The following EEIG2 variants were observed in gnomAD, a reference collection of about 807,000 sequenced individuals.
EEIG2 encodes EEIG family member 2, also known as family with sequence similarity 102 member B.
the EEIG2 span, chr1:108,635,139 A>G: frequency 6.2e-7 from 1 of 1,614,166 alleles, no homozygotes; most frequent in African/African-American, 1.3e-5. Context: ...ACAAGTTGTG[A>G]TCAAACGCTA....
At chr1:108,615,682 T>C in the EEIG2 span, among the ~76,000 whole-genome samples, 2 of 151,378 alleles carry the variant, frequency 1.3e-5, no homozygotes, top group African/African-American at 4.9e-5. Context: ...CTCAGAAGGC[T>C]GAGACAGGAA....
chr1:108,598,582 G>A, the EEIG2 span, among the ~76,000 whole-genome samples: 1 of 151,930 alleles, frequency 6.6e-6, no homozygotes, highest in Non-Finnish European at 1.5e-5. Context: ...AGACTCCACT[G>A]TGAACCCACA....
At chr1:108,592,713 G>A in the EEIG2 span, among the ~76,000 whole-genome samples, 1 of 152,104 alleles carries the variant, frequency 6.6e-6, no homozygotes, top group Non-Finnish European at 1.5e-5. Context: ...ACTCTGGGAT[G>A]GACCACCTAC....
the EEIG2 span, among the ~76,000 whole-genome samples, chr1:108,585,521 A>G: frequency 6.6e-6 from 1 of 152,134 alleles, no homozygotes; most frequent in Non-Finnish European, 1.5e-5. Context: ...GAGATACCAC[A>G]GCAGGTCTGT....
the EEIG2 span, among the ~76,000 whole-genome samples, chr1:108,561,470 T>C: frequency 1.3e-5 from 2 of 152,192 alleles, no homozygotes; most frequent in African/African-American, 4.8e-5. Context: ...TATATACTGG[T>C]CTTAGGCTTT....
the EEIG2 span, among the ~76,000 whole-genome samples, chr1:108,594,564 C>T: frequency 6.6e-6 from 1 of 152,116 alleles, no homozygotes; most frequent in African/African-American, 2.4e-5. Flanking sequence ...TAGTAGTACC[C>T]TCCCCATATA....
the EEIG2 span, chr1:108,624,754 G>A: frequency 6.2e-7 from 1 of 1,608,382 alleles, no homozygotes; most frequent in Non-Finnish European, 8.5e-7. Context: ...AGCAGGTATG[G>A]ATGTGTGGCT....
At chr1:108,596,916 A>G in the EEIG2 span, among the ~76,000 whole-genome samples, 1 of 151,928 alleles carries the variant, frequency 6.6e-6, no homozygotes, top group Non-Finnish European at 1.5e-5. Context: ...TTTTTTGTTG[A>G]AACAGGGTCT....
the EEIG2 span, among the ~76,000 whole-genome samples, chr1:108,633,470 T>C: frequency 6.6e-6 from 1 of 152,144 alleles, no homozygotes; most frequent in Non-Finnish European, 1.5e-5. Flanking sequence ...TTTAACTTTT[T>C]GTGGACACAA....
chr1:108,615,376 CCATTAT>C, the EEIG2 span, among the ~76,000 whole-genome samples: 2 of 152,108 alleles, frequency 1.3e-5, no homozygotes, highest in African/African-American at 4.8e-5. Flanking sequence ...GTTACTATTA[CCATTAT>C]CATTATTATT....
At chr1:108,575,172 C>G in the EEIG2 span, among the ~76,000 whole-genome samples, 1 of 152,170 alleles carries the variant, frequency 6.6e-6, no homozygotes, top group East Asian at 1.9e-4. Flanking sequence ...TTCAGTGTTG[C>G]TATAGCACTC....
the EEIG2 span, among the ~76,000 whole-genome samples, chr1:108,572,248 ACTT>A: frequency 2.4e-4 from 36 of 152,238 alleles, no homozygotes; most frequent in African/African-American, 8.4e-4. Context: ...GCTTGAAGGC[ACTT>A]CTTCTGCCTG....
the EEIG2 span, among the ~76,000 whole-genome samples, chr1:108,567,677 C>G: frequency 6.6e-6 from 1 of 152,132 alleles, no homozygotes; most frequent in African/African-American, 2.4e-5. Flanking sequence ...TAGATTTTCC[C>G]TGAGGCAATT....
At chr1:108,579,157 A>T in the EEIG2 span, among the ~76,000 whole-genome samples, 1 of 117,342 alleles carries the variant, frequency 8.5e-6, no homozygotes, top group East Asian at 2.3e-4. Flanking sequence ...GTTGGATAAA[A>T]AGTCAAGACC....
the EEIG2 span, among the ~76,000 whole-genome samples, chr1:108,603,534 C>A: frequency 6.6e-6 from 1 of 152,150 alleles, no homozygotes; most frequent in Non-Finnish European, 1.5e-5. Flanking sequence ...TTGCCAAAAG[C>A]AAATGTATGC....
At chr1:108,610,022 T>C in the EEIG2 span, among the ~76,000 whole-genome samples, 1 of 152,166 alleles carries the variant, frequency 6.6e-6, no homozygotes, top group East Asian at 1.9e-4. Context: ...GTGACAAACC[T>C]GCACGTCCTG....
chr1:108,601,401 T>A, the EEIG2 span, among the ~76,000 whole-genome samples: 2 of 151,976 alleles, frequency 1.3e-5, no homozygotes, highest in East Asian at 3.9e-4. Context: ...CTTGCTCTTT[T>A]CCACGCCAGT....
the EEIG2 span, among the ~76,000 whole-genome samples, chr1:108,604,493 T>A: frequency 1.3e-5 from 2 of 152,268 alleles, no homozygotes; most frequent in African/African-American, 2.4e-5. Context: ...GATTGGGATA[T>A]GACTAGCATT....
At chr1:108,634,290 A>G in the EEIG2 span, among the ~76,000 whole-genome samples, 1 of 152,194 alleles carries the variant, frequency 6.6e-6, no homozygotes, top group Non-Finnish European at 1.5e-5. Context: ...TGTAGAATGA[A>G]TCTGTGAGAA....
Sources: allele counts gnomAD v4.1 joint callset (sites outside exome capture counted in the v4.1 genomes callset), GRCh38; gene constraint gnomAD v4.1.1; transcripts MANE v1.5; gene names NCBI Gene and HGNC (gene_info 2026-07-23, HGNC 2026-07-21).